ASB8: variants seen among roughly 807,000 people sequenced by gnomAD.
ASB8 encodes the protein ankyrin repeat and SOCS box containing 8.
Under a neutral mutation model 22.9 loss-of-function variants are expected in ASB8, and 15 were observed. That is an observed-to-expected ratio of 0.66 (90% CI 0.44 to 1.01). The LOEUF (loss-of-function observed/expected upper bound fraction) is 1.01, where lower values mean the gene tolerates loss of function less well. ASB8 is among the 50% of genes least tolerant of loss of function. ASB8 has a pLI of 0.00. For synonymous variants in ASB8, 124 were observed against 140.8 expected (o/e 0.88, Z 0.84); for missense variants, 294 against 356.9 (o/e 0.82, Z 1.42).
At position 48,149,904 on chromosome 12, in the gene ASB8, T is replaced by C. The variant is rs759946903; in HGVS notation, c.329A>G (p.Asn110Ser). Residue 110 changes from asparagine to serine, a missense_variant, in exon 4 of 4, where the codon AAC becomes AGC. Physicochemically the swap from Asn to Ser is conservative, Grantham distance 46. Coordinates refer to ENST00000317697, the MANE Select transcript of ASB8 (RefSeq NM_024095.5). ...TCTGTTGCCATCCAAAGCATTGGGG[T>C]TTGCACCATACTCCAATAGGACCTC... ...CVEVLLEYGA[N>S]PNALDGNRDT... 7.4e-5 allele frequency: 120 copies of C among 1,613,848 alleles called. No homozygotes were observed. Among genetic ancestry groups the C allele is most frequent in the Non-Finnish European group, 9.6e-5 (113 of 1,179,976 alleles).
At position 48,149,193 on chromosome 12, in the gene ASB8, T is replaced by C. The variant is rs1465538014; in HGVS notation, c.*173A>G. 3.0e-6 allele frequency: 2 copies of C among 656,536 alleles called. No individual in the cohort carries two copies. Among genetic ancestry groups the C allele is most frequent in the Non-Finnish European group, 4.9e-6 (2 of 404,950 alleles). The allele number at this position is 656,536 out of a possible 1,614,324, so 40.7% of individuals were successfully genotyped here. On this transcript the variant is annotated 3_prime_UTR_variant, in exon 4 of 4. Transcript: ENST00000317697. Reference sequence around the variant, plus strand: ...AAAGTGAGGGATTTTTTTTGTTGGGTTGTTTGGTTTGGGAAGGGGAGGTGC... The same window carrying C: ...AAAGTGAGGGATTTTTTTTGTTGGGCTGTTTGGTTTGGGAAGGGGAGGTGC...
At chr12:48,156,212 A>G (rs1359680971) in intron 1 of ASB8, among the ~76,000 whole-genome samples, 1 of 152,192 alleles carries the variant, frequency 6.6e-6, no homozygotes, top group East Asian at 1.9e-4. Context: ...AAATATTCAT[A>G]TGTATCGATA....
intron 1 of ASB8, among the ~76,000 whole-genome samples, chr12:48,156,251 T>A (rs1330150886): frequency 6.6e-6 from 1 of 152,228 alleles, no homozygotes; most frequent in South Asian, 2.1e-4. Context: ...TCTCCCGTTA[T>A]CATGCACGGA....
chr12:48,156,755 G>A (rs1354124649), intron 1 of ASB8, among the ~76,000 whole-genome samples: 1 of 152,136 alleles, frequency 6.6e-6, no homozygotes, highest in Non-Finnish European at 1.5e-5. Flanking sequence ...ATGGTCAGTG[G>A]TCTGCTGCTG....
chr12:48,151,705 G>T, intron 2 of ASB8: 2 of 1,124,938 alleles, frequency 1.8e-6, no homozygotes, highest in Non-Finnish European at 2.4e-6. Context: ...ACTGAGGCCA[G>T]AAATGGCATG....
chr12:48,153,759 C>G (rs1383722851), intron 1 of ASB8: 6 of 277,594 alleles, frequency 2.2e-5, no homozygotes, highest in African/African-American at 1.3e-4. Context: ...CCAAGAGGTA[C>G]TAAGACCCCC....
chr12:48,149,271 A>G lies in ASB8; in HGVS notation c.*95T>C. On this transcript the variant is annotated 3_prime_UTR_variant, in exon 4 of 4. Transcript: ENST00000317697. Reference sequence around the variant, plus strand: ...CTTCGAAATCTATAAACCACACAACAGGAACAACTGTTTTTCTGTTTTCTG... The same window carrying G: ...CTTCGAAATCTATAAACCACACAACGGGAACAACTGTTTTTCTGTTTTCTG... 5.2e-6 allele frequency: 7 copies of G among 1,343,338 alleles called. No homozygotes were observed. Among genetic ancestry groups the G allele is most frequent in the Non-Finnish European group, 7.1e-6 (7 of 983,830 alleles). The allele number at this position is 1,343,338 out of a possible 1,614,324, so 83.2% of individuals were successfully genotyped here. A position where few individuals can be genotyped will look rare whatever the true frequency, so the allele number is the denominator to read the frequency against.
intron 3 of ASB8, chr12:48,150,996 C>A: frequency 1.6e-6 from 1 of 609,162 alleles, no homozygotes; most frequent in Non-Finnish European, 2.9e-6. Flanking sequence ...AGGGTGGGGA[C>A]AGAAAGGTAA....
In ASB8 at chr12:48,149,638, G is replaced by T; in HGVS notation, c.595C>A (p.Leu199Ile). 6.2e-7 allele frequency: 1 copy of T among 1,614,144 alleles called. No homozygotes were observed. The highest frequency in any genetic ancestry group is 8.5e-7 in the Non-Finnish European group (1 of 1,180,020). The change falls in exon 4 of 4, where the codon CTT (leucine) becomes ATT (isoleucine). Residue 199 changes from leucine to isoleucine, a missense_variant. Leu to Ile is a conservative substitution (Grantham distance 5, BLOSUM62 2). Coordinates refer to ENST00000317697, the MANE Select transcript of ASB8 (RefSeq NM_024095.5). Reference protein sequence around the residue: ...SRLVALLVRGLGTEKEDSCFE... With the variant: ...SRLVALLVRGIGTEKEDSCFE... ...CAAGAGTCCTCTTTCTCTGTTCCAA[G>T]TCCCCTGACTAGCAGAGCCACCAGG...
intron 1 of ASB8, among the ~76,000 whole-genome samples, chr12:48,154,940 CA>C (rs1396868342): frequency 3.3e-5 from 5 of 151,894 alleles, no homozygotes; most frequent in African/African-American, 1.2e-4. Context: ...GACTCCATCT[CA>C]AAAAAATAAA....
chr12:48,152,834 A>C (rs551073198), intron 2 of ASB8: 1 of 152,034 alleles, frequency 6.6e-6, no homozygotes, highest in African/African-American at 2.4e-5. Context: ...ATCTCTACAA[A>C]AAATTAAAAA....
At position 48,153,427 on chromosome 12, in the gene ASB8, G is replaced by T; in HGVS notation, c.70C>A (p.Arg24=). ...SKYSLSERLI[R]TIAAIRSFPH... ...AAGGAACGGATGGCAGCAATTGTTC[G>T]GATTAAGCGCTCGGAGAGAGAGTAT... is the stretch of plus-strand genomic sequence containing the variant. Residue 24 remains arginine, a synonymous_variant, in exon 2 of 4, where the codon CGA becomes AGA. Transcript: ENST00000317697. 2 of 1,613,700 alleles carry T rather than the reference G, an allele frequency of 1.2e-6. No homozygotes were observed. The highest frequency in any genetic ancestry group is 1.7e-6 in the Non-Finnish European group (2 of 1,179,624).
chr12:48,151,323 C>G lies in ASB8; in HGVS notation c.130-18G>C. On this transcript the variant is annotated intron_variant, in intron 2 of 3. Transcript: ENST00000317697. ...TCTGCTCCCTGTGGGCAGAAGACAA[C>G]TTCAGTCAGTGTGTTCAGCTCTGGC... The G allele has an allele frequency of 1.3e-6, 2 of 1,586,284 alleles. No individual in the cohort carries two copies. The highest frequency in any genetic ancestry group is 1.7e-5 in the Admixed American group (1 of 59,432).
In ASB8 at chr12:48,149,030, C is replaced by G; in HGVS notation, c.*336G>C. The G allele has an allele frequency of 3.4e-6, 1 of 291,278 alleles. No homozygotes were observed. Among genetic ancestry groups the G allele is most frequent in the South Asian group, 4.3e-5 (1 of 23,444 alleles). 18.0% of individuals were successfully genotyped at this position (291,278 alleles called of 1,614,324 possible). A position where few individuals can be genotyped will look rare whatever the true frequency, so the allele number is the denominator to read the frequency against. ...CGTCCCCAAAGGAAAACCACACACA[C>G]ATTATTTAAGTACTTTCCATCTTCC... On this transcript the variant is annotated 3_prime_UTR_variant, in exon 4 of 4. Coordinates refer to ENST00000317697, the MANE Select transcript of ASB8 (RefSeq NM_024095.5).
rs767995629 is a variant in ASB8 at position 48,149,700 on chromosome 12, C to G, written c.533G>C (p.Arg178Thr). 29 of 1,614,022 alleles carry G rather than the reference C, an allele frequency of 1.8e-5. No homozygotes were observed. Among genetic ancestry groups the G allele is most frequent in the Middle Eastern group, 3.3e-4 (2 of 6,084 alleles). Reference protein sequence around the residue: ...SILLDYGAEVRVINLIGQTPI... With the variant: ...SILLDYGAEVTVINLIGQTPI... The stretch of plus-strand genomic sequence containing the variant: ...TGTCTGGCCTATTAGGTTGATGACT[C>G]TGACCTCTGCGCCATAATCCAGAAG... Residue 178 changes from arginine (R) to threonine (T), a missense_variant, in exon 4 of 4, where the codon AGA becomes ACA. Physicochemically the swap from Arg to Thr is moderately conservative, Grantham distance 71. Transcript: ENST00000317697.
chr12:48,153,224 TTTTAATGATCAA>T (rs2136079687), intron 2 of ASB8, 132 bp downstream of exon 2: 1 of 970,672 alleles, frequency 1.0e-6, no homozygotes, highest in African/African-American at 1.6e-5. Flanking sequence ...GGGAAATACA[TTTTAATGATCAA>T]GTTAATGCAG....
In ASB8 at chr12:48,149,479, TTTTTAGAG is replaced by T; in HGVS notation, c.746_753del (p.Thr249AsnfsTer10). ...CGGCGCACGGCATAGCGAGCGAGTG[TTTTTAGAG>T]TTCCTGGAGCTGAGCACAGAACAGT... is the stretch of plus-strand genomic sequence containing the variant. On this transcript the variant is annotated frameshift_variant, in exon 4 of 4. Coordinates refer to ENST00000317697, the MANE Select transcript of ASB8 (RefSeq NM_024095.5). LOFTEE classifies it high-confidence loss of function. The T allele has an allele frequency of 6.2e-7, 1 of 1,614,068 alleles. No homozygotes were observed. The highest frequency in any genetic ancestry group is 1.3e-5 in the African/African-American group (1 of 75,002).
In ASB8 at chr12:48,149,623, C is replaced by T; in HGVS notation, c.610G>A (p.Glu204Lys). 6.2e-7 allele frequency: 1 copy of T among 1,614,176 alleles called. No homozygotes were observed. Reference protein sequence around the residue: ...LLVRGLGTEKEDSCFELLHRA... With the variant: ...LLVRGLGTEKKDSCFELLHRA... Reference sequence around the variant, plus strand: ...TGGAGGAGCTCAAAGCAAGAGTCCTCTTTCTCTGTTCCAAGTCCCCTGACT... The same window carrying T: ...TGGAGGAGCTCAAAGCAAGAGTCCTTTTTCTCTGTTCCAAGTCCCCTGACT... Residue 204 changes from glutamate to lysine, a missense_variant, in exon 4 of 4, where the codon GAG becomes AAG. Physicochemically the swap from Glu to Lys is moderately conservative, Grantham distance 56 (BLOSUM62 1). Transcript: ENST00000317697.
intron 1 of ASB8, among the ~76,000 whole-genome samples, chr12:48,154,806 T>C (rs1441005391): frequency 6.6e-6 from 1 of 152,042 alleles, no homozygotes; most frequent in East Asian, 1.9e-4. Flanking sequence ...CTGGGCATGG[T>C]GGCGCACGCC....
Sources: allele counts gnomAD v4.1 joint callset (sites outside exome capture counted in the v4.1 genomes callset), GRCh38; gene constraint gnomAD v4.1.1; transcripts MANE v1.5; gene names NCBI Gene and HGNC (gene_info 2026-07-23, HGNC 2026-07-21).